The following FAP variants were observed in gnomAD, a reference collection of about 807,000 sequenced individuals.
FAP encodes fibroblast activation protein alpha.
A neutral mutation model predicts 126.5 loss-of-function variants in FAP; 110 were observed. That is an observed-to-expected ratio of 0.87 (90% confidence interval 0.74 to 1.02). The LOEUF (loss-of-function observed/expected upper bound fraction) is 1.02. Ranked by LOEUF, FAP falls within the 50% of genes least tolerant of loss-of-function variation. FAP has a pLI of 0.00. For missense variants in FAP, 919 were observed against 909.2 expected (o/e 1.01, Z -0.14); for synonymous variants, 334 against 297.3 (o/e 1.12, Z -1.27).
At chr2:162,240,197 T>A (rs910699269) in intron 2 of FAP, among the ~76,000 whole-genome samples, 1 of 152,260 alleles carries the variant, frequency 6.6e-6, no homozygotes, top group Non-Finnish European at 1.5e-5. Context: ...GAAATTCATG[T>A]GTGCTTCACA....
At chr2:162,188,721 T>C (rs1434789441) in intron 19 of FAP, among the ~76,000 whole-genome samples, 1 of 152,066 alleles carries the variant, frequency 6.6e-6, no homozygotes, top group African/African-American at 2.4e-5. Context: ...AGGTCAGCAC[T>C]GATTTTGGGT....
chr2:162,203,218 A>G, intron 12 of FAP, 73 bp from the exon 13 acceptor site: 2 of 895,628 alleles, frequency 2.2e-6, no homozygotes, highest in South Asian at 1.6e-5. Context: ...TTTAATATAT[A>G]AAAGCGACGT....
At chr2:162,227,476 C>A (rs1478594749) in intron 2 of FAP, among the ~76,000 whole-genome samples, 1 of 152,114 alleles carries the variant, frequency 6.6e-6, no homozygotes, top group African/African-American at 2.4e-5. Flanking sequence ...AGCCCAATGC[C>A]CTTTTTTATC....
chr2:162,209,943 A>C lies in FAP; in HGVS notation c.1047+9T>G. On this transcript the variant is annotated intron_variant, in intron 12 of 25. Transcript: ENST00000188790. ...ATTAAAACATAAGAAAAAGATAGCAAAATCATACTCCACCAGCCCATCCAG... is the reference window on the plus strand; with the variant it reads ...ATTAAAACATAAGAAAAAGATAGCACAATCATACTCCACCAGCCCATCCAG... 6.2e-7 allele frequency: 1 copy of C among 1,612,084 alleles called. No individual in the cohort carries two copies. The highest frequency in any genetic ancestry group is 8.5e-7 in the Non-Finnish European group (1 of 1,178,848).
chr2:162,189,186 A>C lies in FAP; in HGVS notation c.1550-14T>G. 6.4e-7 allele frequency: 1 copy of C among 1,555,660 alleles called. No individual in the cohort carries two copies. The highest frequency in any genetic ancestry group is 8.8e-7 in the Non-Finnish European group (1 of 1,139,456). ...TGTACCATAAAGCTTTGAGGAAAAA[A>C]AAAGGAGAAAAATCTTCATTCCACA... is the stretch of plus-strand genomic sequence containing the variant. On this transcript the variant is annotated splice_polypyrimidine_tract_variant and intron_variant, in intron 18 of 25. Transcript: ENST00000188790.
intron 2 of FAP, 41 bp downstream of exon 2, chr2:162,242,867 G>A (rs773833857): frequency 2.7e-6 from 4 of 1,470,034 alleles, no homozygotes; most frequent in Non-Finnish European, 3.8e-6. Flanking sequence ...CATTTTCCAA[G>A]CTATTCTAGG....
At chr2:162,236,617 T>TGGG (rs567805407) in intron 2 of FAP, among the ~76,000 whole-genome samples, 6 of 151,924 alleles carry the variant, frequency 3.9e-5, no homozygotes, top group African/African-American at 1.5e-4. Flanking sequence ...TTGTTTTTGG[T>TGGG]GGGGGGGCAG....
In FAP at chr2:162,224,476, T is replaced by C. The variant is rs771272727; in HGVS notation, c.350A>G (p.Asp117Gly). 6.3e-7 allele frequency: 1 copy of C among 1,582,594 alleles called. No homozygotes were observed. Among genetic ancestry groups the C allele is most frequent in the Non-Finnish European group, 8.6e-7 (1 of 1,162,998 alleles). Residue 117 changes from aspartate to glycine, a missense_variant, in exon 5 of 26, where the codon GAT becomes GGT. By Grantham distance (94) the Asp-to-Gly change is moderately conservative. Coordinates refer to ENST00000188790, the MANE Select transcript of FAP (RefSeq NM_004460.5). ...TTAAATAGTTGATACCTTTGAATAA[T>C]CACTTTCTAGATATACAAATTGCCG... is the stretch of plus-strand genomic sequence containing the variant. ...PDRQFVYLES[D>G]YSKLWRYSYT...
intron 20 of FAP, among the ~76,000 whole-genome samples, chr2:162,184,478 A>G (rs1687796294): frequency 6.6e-6 from 1 of 152,200 alleles, no homozygotes; most frequent in African/African-American, 2.4e-5. Flanking sequence ...CACAGCAACC[A>G]TTTCGCTCTT....
At position 162,174,954 on chromosome 2, in the gene FAP, A is replaced by G. The variant is rs376931700; in HGVS notation, c.1882T>C (p.Tyr628His). 9 of 1,611,346 alleles carry G rather than the reference A, an allele frequency of 5.6e-6. No individual in the cohort carries two copies. Among genetic ancestry groups the G allele is most frequent in the Non-Finnish European group, 7.6e-6 (9 of 1,177,926 alleles). The change falls in exon 22 of 26, where the codon TAC (tyrosine) becomes CAC (histidine). Residue 628 changes from tyrosine to histidine, a missense_variant. Coordinates refer to ENST00000188790, the MANE Select transcript of FAP (RefSeq NM_004460.5). ...IAIWGWSYGG[Y>H]VSSLALASGT... ...GATGCAAGGGCCAGTGATGAAACGTATCCTCCATAGGACTGTAGAGACATT... is the reference window on the plus strand; with the variant it reads ...GATGCAAGGGCCAGTGATGAAACGTGTCCTCCATAGGACTGTAGAGACATT...
Position 162,219,201 on chromosome 2 carries a change from G to A in FAP, c.487-18C>T. 1 of 1,594,520 alleles carries A rather than the reference G, an allele frequency of 6.3e-7. No individual in the cohort carries two copies. Among genetic ancestry groups the A allele is most frequent in the South Asian group, 1.1e-5 (1 of 88,912 alleles). On this transcript the variant is annotated intron_variant, in intron 7 of 25. Coordinates refer to ENST00000188790, the MANE Select transcript of FAP (RefSeq NM_004460.5). ...ACATATGCCTAAAAGTGGTGGTAAGGGGAAATTCCACAACAAATTAAATGA... is the reference window on the plus strand; with the variant it reads ...ACATATGCCTAAAAGTGGTGGTAAGAGGAAATTCCACAACAAATTAAATGA...
rs1323126537 is a variant in FAP at position 162,173,151 on chromosome 2, T to A, written c.2105A>T (p.Asp702Val). Residue 702 changes from aspartate to valine, a missense_variant and splice_region_variant, in exon 24 of 26, where the codon GAT (aspartate) becomes GTT (valine). Transcript: ENST00000188790. Reference protein sequence around the residue: ...VDYLLIHGTADDNVHFQNSAQ... With the variant: ...VDYLLIHGTAVDNVHFQNSAQ... ...TAAGAGTCTTGCTTAAACCTCACCA[T>A]CTGCTGTTCCGTGGATGAGAAGATA... 5 of 1,612,160 alleles carry A rather than the reference T, an allele frequency of 3.1e-6. No homozygotes were observed. The Admixed American group carries it at 8.3e-5, about 27-fold the overall frequency.
intron 20 of FAP, among the ~76,000 whole-genome samples, chr2:162,184,610 G>C (rs1687802480): frequency 6.6e-6 from 1 of 152,188 alleles, no homozygotes; most frequent in South Asian, 2.1e-4. Flanking sequence ...AGGACACTGA[G>C]GAGTCTACAG....
intron 7 of FAP, 103 bp downstream of exon 7, chr2:162,219,750 T>A: frequency 1.3e-6 from 1 of 778,770 alleles, no homozygotes; most frequent in Non-Finnish European, 2.2e-6. Flanking sequence ...TAGTCATGAA[T>A]GTATTTTTTT....
At position 162,177,844 on chromosome 2, in the gene FAP, G is replaced by A. The variant is rs575855630; in HGVS notation, c.1870-2878C>T. Among the ~76,000 whole-genome samples, 5 of 152,284 alleles carry A rather than the reference G, an allele frequency of 3.3e-5. No homozygotes were observed. In the East Asian group the frequency reaches 9.6e-4, roughly 29 times the overall value. On this transcript the variant is annotated intron_variant, in intron 21 of 25. Transcript: ENST00000188790. ...CACAATAGGAATAGAATAAATATTT[G>A]TTGAGTATATGACTTTGCTATTACT...
intron 21 of FAP, among the ~76,000 whole-genome samples, chr2:162,178,081 G>A (rs1412883628): frequency 6.6e-6 from 1 of 152,142 alleles, no homozygotes; most frequent in Non-Finnish European, 1.5e-5. Flanking sequence ...TAAGTTCAGA[G>A]TCTAATATAG....
At chr2:162,181,657 C>A (rs994350680) in intron 21 of FAP, among the ~76,000 whole-genome samples, 13 of 152,178 alleles carry the variant, frequency 8.5e-5, no homozygotes, top group Non-Finnish European at 1.9e-4. Context: ...TACTCCACAG[C>A]GAGTTGCATC....
intron 21 of FAP, among the ~76,000 whole-genome samples, chr2:162,177,672 C>T (rs1263651765): frequency 6.6e-5 from 10 of 152,178 alleles, no homozygotes; most frequent in East Asian, 1.9e-4. Context: ...TTTTCCATAG[C>T]GCTTAACGTC....
intron 2 of FAP, among the ~76,000 whole-genome samples, chr2:162,233,800 A>G (rs1045536246): frequency 6.6e-6 from 1 of 152,180 alleles, no homozygotes; most frequent in Admixed American, 6.5e-5. Context: ...TAACTCAAAA[A>G]CATAAAAATG....
Sources: gnomAD v4.1 joint callset for allele counts (sites outside exome capture counted in the v4.1 genomes callset) on GRCh38, gnomAD v4.1.1 for gene constraint, MANE v1.5 for transcripts, NCBI Gene and HGNC (gene_info 2026-07-23, HGNC 2026-07-21) for gene names.